The following SEC14L5 variants were observed in gnomAD, a reference collection of about 807,000 sequenced individuals.
SEC14L5 encodes the protein SEC14 like lipid binding 5.
Under a neutral mutation model 84.6 loss-of-function variants are expected in SEC14L5, and 96 were observed. The ratio of observed to expected loss-of-function variants is 1.13; its 90% confidence interval spans 0.96 to 1.34. The LOEUF (loss-of-function observed/expected upper bound fraction) is 1.34, where lower values mean the gene tolerates loss of function less well. Among genes scored for constraint, SEC14L5 ranks in the 40% most tolerant of loss-of-function variants. The pLI, the probability that SEC14L5 is intolerant of heterozygous loss-of-function variation, is 0.00. For synonymous variants in SEC14L5, 546 were observed against 383.4 expected (o/e 1.42, Z -4.95); for missense variants, 1,224 against 942.5 (o/e 1.30, Z -3.91).
At chr16:4,990,968 C>T in intron 5 of SEC14L5, 73 bp downstream of exon 5, 1 of 1,295,194 alleles carries the variant, frequency 7.7e-7, no homozygotes, top group Non-Finnish European at 1.0e-6. Context: ...CTGCATGACC[C>T]CTGGCAAGAC....
chr16:4,970,299 G>T (rs757596394), intron 2 of SEC14L5, among the ~76,000 whole-genome samples: 1 of 152,152 alleles, frequency 6.6e-6, no homozygotes, highest in African/African-American at 2.4e-5. Flanking sequence ...GCTGAGAGTT[G>T]CGGGGAAGCA....
chr16:4,981,255 G>GTTTTTTTTTTTTTTTTTTTTTT, intron 2 of SEC14L5, among the ~76,000 whole-genome samples: 1 of 92,902 alleles, frequency 1.1e-5, no homozygotes, highest in Non-Finnish European at 2.1e-5. Context: ...TAGCTAATTG[G>GTTTTTTTTTTTTTTTTTTTTTT]TTTTTTTTTT....
chr16:4,967,967 CTCCCTTCCCCTCCCCTCTCCT>C (rs980310985), intron 2 of SEC14L5, among the ~76,000 whole-genome samples: 3 of 135,942 alleles, frequency 2.2e-5, no homozygotes, highest in Non-Finnish European at 4.8e-5. Context: ...CCCCCTTCCC[CTCCCTTCCCCTCCCCTCTCCT>C]TCCCTTCCCT....
chr16:4,960,354 T>C (rs1955107785), intron 2 of SEC14L5, among the ~76,000 whole-genome samples: 1 of 152,070 alleles, frequency 6.6e-6, no homozygotes, highest in Admixed American at 6.5e-5. Flanking sequence ...AATTAATGTA[T>C]TGAAAGTGTA....
intron 2 of SEC14L5, among the ~76,000 whole-genome samples, chr16:4,975,721 G>C (rs552880131): frequency 6.6e-6 from 1 of 152,142 alleles, no homozygotes; most frequent in African/African-American, 2.4e-5. Context: ...GTTGGAGGAG[G>C]TGAGTAGATT....
At chr16:4,972,208 G>T (rs1955288150) in intron 2 of SEC14L5, among the ~76,000 whole-genome samples, 1 of 152,188 alleles carries the variant, frequency 6.6e-6, no homozygotes, top group African/African-American at 2.4e-5. Flanking sequence ...TTGCTGTGTT[G>T]CCCAGGCTGG....
At chr16:4,969,336 A>C (rs565263790) in intron 2 of SEC14L5, among the ~76,000 whole-genome samples, 2 of 150,492 alleles carry the variant, frequency 1.3e-5, no homozygotes, top group East Asian at 1.9e-4. Flanking sequence ...GATTCCTAGC[A>C]CTTCTTTTTT....
At position 5,015,062 on chromosome 16, in the gene SEC14L5, G is replaced by A; in HGVS notation, c.*92G>A. On this transcript the variant is annotated 3_prime_UTR_variant, in exon 16 of 16. Coordinates refer to ENST00000251170, the MANE Select transcript of SEC14L5 (RefSeq NM_014692.2). ...AGCTAACTGCAGGGCCTGGGACCAT[G>A]TGGGCTGGAGCCCCAGGCCTAGATG... The A allele has an allele frequency of 9.9e-7, 1 of 1,008,852 alleles. No homozygotes were observed. Among genetic ancestry groups the A allele is most frequent in the Non-Finnish European group, 1.5e-6 (1 of 676,244 alleles). 62.5% of individuals were successfully genotyped at this position (1,008,852 alleles called of 1,614,324 possible).
rs1377997703 is a variant in SEC14L5 at position 4,996,975 on chromosome 16, C to T, written c.901C>T (p.Leu301Phe). Residue 301 changes from leucine to phenylalanine, a missense_variant, in exon 8 of 16, where the codon CTT becomes TTT. Physicochemically the swap from Leu to Phe is conservative, Grantham distance 22. Coordinates refer to ENST00000251170, the MANE Select transcript of SEC14L5 (RefSeq NM_014692.2). ...WRKQHQVDLLLQTWQPPALLE... is the reference protein window; with the variant it reads ...WRKQHQVDLLFQTWQPPALLE... ...CAAGCAGCACCAGGTGGATCTCCTC[C>T]TTCAGACCTGGCAACCCCCTGCCCT... 6.2e-7 allele frequency: 1 copy of T among 1,613,692 alleles called. No individual in the cohort carries two copies. Among genetic ancestry groups the T allele is most frequent in the Admixed American group, 1.7e-5 (1 of 59,994 alleles).
chr16:4,989,950 A>C (rs1955535119), intron 4 of SEC14L5, among the ~76,000 whole-genome samples: 2 of 152,138 alleles, frequency 1.3e-5, no homozygotes, highest in Admixed American at 6.5e-5. Flanking sequence ...CTAGGTCTGG[A>C]TCCATAAAGG....
intron 2 of SEC14L5, among the ~76,000 whole-genome samples, chr16:4,972,070 A>T (rs909831998): frequency 1.3e-5 from 2 of 151,122 alleles, no homozygotes; most frequent in Non-Finnish European, 2.9e-5. Flanking sequence ...CAGTGGTGCA[A>T]TTATAGCTCA....
At chr16:4,962,734 T>G (rs1024750059) in intron 2 of SEC14L5, among the ~76,000 whole-genome samples, 13 of 150,744 alleles carry the variant, frequency 8.6e-5, no homozygotes, top group African/African-American at 3.2e-4. Context: ...CTGCGTTAAT[T>G]TAAGTCATTT....
Position 5,015,521 on chromosome 16 carries a change from A to T in SEC14L5, c.*551A>T, listed in dbSNP as rs1326156627. On this transcript the variant is annotated 3_prime_UTR_variant, in exon 16 of 16. Transcript: ENST00000251170. Reference sequence around the variant, plus strand: ...TGATTGGCCAGCAGGGTCATGCCCAATCTGGACCAATCACCGTGATCCAGG... The same window carrying T: ...TGATTGGCCAGCAGGGTCATGCCCATTCTGGACCAATCACCGTGATCCAGG... 6.5e-6 allele frequency: 1 copy of T among 154,650 alleles called. No individual in the cohort carries two copies. The highest frequency in any genetic ancestry group is 1.4e-5 in the Non-Finnish European group (1 of 69,400). The allele number at this position is 154,650 out of a possible 1,614,324, so 9.6% of individuals were successfully genotyped here. A position where few individuals can be genotyped will look rare whatever the true frequency, so the allele number is the denominator to read the frequency against.
At chr16:4,996,492 T>C in intron 7 of SEC14L5, 32 bp downstream of exon 7, 1 of 1,207,088 alleles carries the variant, frequency 8.3e-7, no homozygotes, top group Non-Finnish European at 1.2e-6. Flanking sequence ...GAGCAGTGGA[T>C]GAATGGGCAA....
At position 4,985,029 on chromosome 16, in the gene SEC14L5, T is replaced by C. The variant is rs543157178; in HGVS notation, c.64-2528T>C. Among the ~76,000 whole-genome samples the C allele has an allele frequency of 2.0e-3, 301 of 152,338 alleles. 2 individuals carry two copies. Among genetic ancestry groups the C allele is most frequent in the African/African-American group, 6.6e-3 (275 of 41,582 alleles). On this transcript the variant is annotated intron_variant, in intron 2 of 15. Coordinates refer to ENST00000251170, the MANE Select transcript of SEC14L5 (RefSeq NM_014692.2). ...TCTCTGGGTTACCTTTTCACTTTCT[T>C]GCTTGTATCCTTTGAAACACAAAAG...
intron 6 of SEC14L5, among the ~76,000 whole-genome samples, chr16:4,993,304 C>T (rs373401462): frequency 9.2e-5 from 14 of 152,278 alleles, no homozygotes; most frequent in Admixed American, 7.2e-4. Context: ...TGCAATGGCA[C>T]GATCTCAGCT....
At chr16:4,970,678 G>A (rs558625104) in intron 2 of SEC14L5, among the ~76,000 whole-genome samples, 82 of 152,304 alleles carry the variant, frequency 5.4e-4, no homozygotes, top group Non-Finnish European at 9.7e-4. Context: ...CAGTGGGTTT[G>A]TGCACACATG....
chr16:4,973,678 C>CTTTTTTTTTTTTTTTTTTTTTTT (rs1955305938), intron 2 of SEC14L5, among the ~76,000 whole-genome samples: 1 of 139,198 alleles, frequency 7.2e-6, no homozygotes, highest in Non-Finnish European at 1.5e-5. Flanking sequence ...TTTTCTCTGT[C>CTTTTTTTTTTTTTTTTTTTTTTT]TCTTTTTTTT....
chr16:4,995,549 G>A (rs1232311765), intron 6 of SEC14L5, among the ~76,000 whole-genome samples: 1 of 152,080 alleles, frequency 6.6e-6, no homozygotes, highest in South Asian at 2.1e-4. Context: ...CCTTTGTGCT[G>A]GGTGCACAAC....
Sources: gnomAD v4.1 joint callset for allele counts (sites outside exome capture counted in the v4.1 genomes callset) on GRCh38, gnomAD v4.1.1 for gene constraint, MANE v1.5 for transcripts, NCBI Gene and HGNC (gene_info 2026-07-23, HGNC 2026-07-21) for gene names.